ANO4: variants seen among roughly 807,000 people sequenced by gnomAD.
The protein encoded by ANO4 is anoctamin-4.
Under a neutral mutation model 141.9 loss-of-function variants are expected in ANO4, and 69 were observed. The observed-to-expected ratio is 0.49, with a 90% confidence interval of 0.40 to 0.59. The LOEUF (loss-of-function observed/expected upper bound fraction) is 0.59. Among genes scored for constraint, ANO4 ranks in the 20% least tolerant of loss-of-function variants. The pLI is 0.00. For missense variants in ANO4, 894 were observed against 1,162.2 expected (o/e 0.77, Z 3.36); for synonymous variants, 350 against 394.3 (o/e 0.89, Z 1.33).
chr12:100,935,610 C>T (rs1322882756), intron 3 of ANO4, among the ~76,000 whole-genome samples: 2 of 152,156 alleles, frequency 1.3e-5, no homozygotes, highest in Non-Finnish European at 2.9e-5. Context: ...TGAACAGCAT[C>T]TTTGTGATGT....
At chr12:101,010,974 T>C (rs913999354) in intron 8 of ANO4, among the ~76,000 whole-genome samples, 1 of 152,228 alleles carries the variant, frequency 6.6e-6, no homozygotes, top group Admixed American at 6.5e-5. Context: ...GTGGCTGCAG[T>C]TGTCCCTTTG....
chr12:101,039,123 C>T (rs1566161530), intron 10 of ANO4: 1 of 152,132 alleles, frequency 6.6e-6, no homozygotes, highest in Non-Finnish European at 1.5e-5. Context: ...AAGTGACTTC[C>T]AGCTTTTACA....
At chr12:100,956,397 G>C (rs1449115608) in intron 5 of ANO4, among the ~76,000 whole-genome samples, 1 of 152,212 alleles carries the variant, frequency 6.6e-6, no homozygotes, top group African/African-American at 2.4e-5. Flanking sequence ...AGAAGACCAG[G>C]AGTAGAGCAG....
chr12:100,858,639 C>G (rs1171307160), intron 1 of ANO4, among the ~76,000 whole-genome samples: 1 of 152,066 alleles, frequency 6.6e-6, no homozygotes, highest in Non-Finnish European at 1.5e-5. Context: ...GCCTGGTTCT[C>G]CACTCAAAAA....
chr12:101,005,574 A>G (rs145481538), intron 8 of ANO4, among the ~76,000 whole-genome samples: 1,618 of 152,330 alleles, frequency 0.011, 93 homozygotes, highest in Admixed American at 0.1. Flanking sequence ...CTTGTAAGGT[A>G]TGTGATTCTG....
intron 1 of ANO4, among the ~76,000 whole-genome samples, chr12:100,729,413 C>T (rs909531335): frequency 7.9e-6 from 1 of 126,038 alleles, no homozygotes; most frequent in South Asian, 2.9e-4. Flanking sequence ...TGAACACGTT[C>T]TATGTGGTAG....
intron 1 of ANO4, among the ~76,000 whole-genome samples, chr12:100,893,425 G>A (rs550244484): frequency 1.3e-5 from 2 of 152,082 alleles, no homozygotes; most frequent in East Asian, 3.9e-4. Flanking sequence ...GTTTTTTCAG[G>A]CAGCTGTTGT....
chr12:100,984,219 C>G (rs1416089484), intron 7 of ANO4, among the ~76,000 whole-genome samples: 2 of 152,330 alleles, frequency 1.3e-5, no homozygotes, highest in African/African-American at 4.8e-5. Context: ...GCCTCAACCT[C>G]CTAAGTAGCT....
At chr12:100,790,717 C>A (rs1565877218), upstream of ANO4, among the ~76,000 whole-genome samples, 1 of 151,760 alleles carries the variant, frequency 6.6e-6, no homozygotes, top group Non-Finnish European at 1.5e-5. Context: ...TTTGATGATC[C>A]CATAGGATTC....
chr12:100,731,953 G>A (rs2031397145), intron 1 of ANO4, among the ~76,000 whole-genome samples: 2 of 152,148 alleles, frequency 1.3e-5, no homozygotes, highest in Admixed American at 1.3e-4. Flanking sequence ...AAGCTGCTAG[G>A]ATATGCCACA....
intron 1 of ANO4, among the ~76,000 whole-genome samples, chr12:100,841,585 G>A (rs2037251153): frequency 6.6e-6 from 1 of 152,148 alleles, no homozygotes; most frequent in Admixed American, 6.6e-5. Context: ...CTGAGGTGGT[G>A]ACATTTGACA....
At chr12:100,901,521 G>A in intron 1 of ANO4, 125 bp from the exon 2 acceptor site, 1 of 481,608 alleles carries the variant, frequency 2.1e-6, no homozygotes, top group African/African-American at 2.0e-5. Context: ...ACTTTTGAGT[G>A]ATGCATACCT....
chr12:101,064,644 A>G (rs1262000143), intron 14 of ANO4, among the ~76,000 whole-genome samples: 1 of 142,270 alleles, frequency 7.0e-6, no homozygotes, highest in African/African-American at 2.7e-5. Context: ...CTGCACATGT[A>G]TCCCAGAACT....
chr12:101,007,204 T>C (rs1262008308), intron 8 of ANO4, among the ~76,000 whole-genome samples: 1 of 152,130 alleles, frequency 6.6e-6, no homozygotes, highest in Non-Finnish European at 1.5e-5. Flanking sequence ...AATACAAAAA[T>C]TAGCTGGGTG....
At position 101,010,468 on chromosome 12, in the gene ANO4, A is replaced by G. The variant is rs76987008; in HGVS notation, c.735-9566A>G. Among the ~76,000 whole-genome samples, 457 of 152,308 alleles carry G rather than the reference A, an allele frequency of 3.0e-3. 3 individuals carry two copies. Among genetic ancestry groups the G allele is most frequent in the African/African-American group, 0.01 (419 of 41,588 alleles). On this transcript the variant is annotated intron_variant, in intron 8 of 27. Transcript: ENST00000392977. ...CTTTACCAAATAGTCAGAACTTTCA[A>G]TGTTATATATTTGGCCTGACAATCT...
intron 2 of ANO4, among the ~76,000 whole-genome samples, chr12:100,738,476 C>T (rs1207196582): frequency 6.6e-6 from 1 of 151,938 alleles, no homozygotes; most frequent in South Asian, 2.1e-4. Context: ...GTAGAAATTT[C>T]CTAAACAAAA....
intron 9 of ANO4, among the ~76,000 whole-genome samples, chr12:101,034,110 C>G (rs1443698007): frequency 2.6e-5 from 4 of 152,134 alleles, no homozygotes; most frequent in Admixed American, 1.3e-4. Context: ...ACCAGAAATA[C>G]CATTTGACCC....
At chr12:101,102,464 A>G (rs1237217889) in intron 22 of ANO4, among the ~76,000 whole-genome samples, 1 of 152,200 alleles carries the variant, frequency 6.6e-6, no homozygotes, top group South Asian at 2.1e-4. Context: ...ATGATAACTA[A>G]TAATGCTGAG....
chr12:100,924,611 T>C (rs73389678), intron 3 of ANO4, among the ~76,000 whole-genome samples: 2,633 of 152,178 alleles, frequency 0.017, 86 homozygotes, highest in African/African-American at 0.06. Flanking sequence ...GAGAAAAAAT[T>C]TCCACAAGAG....
Sources: gnomAD v4.1 joint callset for allele counts (sites outside exome capture counted in the v4.1 genomes callset) on GRCh38, gnomAD v4.1.1 for gene constraint, MANE v1.5 for transcripts, NCBI Gene and HGNC (gene_info 2026-07-23, HGNC 2026-07-21) for gene names.